DLG2: variants seen among roughly 807,000 people sequenced by gnomAD.
The protein encoded by DLG2 is disks large homolog 2.
In DLG2, 45 loss-of-function variants were observed where a neutral mutation model predicts 132.5. The observed-to-expected ratio is 0.34, with a 90% confidence interval of 0.27 to 0.44. The LOEUF (loss-of-function observed/expected upper bound fraction) is 0.44, where lower values mean the gene tolerates loss of function less well. Among genes scored for constraint, DLG2 ranks in the 20% least tolerant of loss-of-function variants. The pLI is 1.00. For synonymous variants in DLG2, 424 were observed against 419.6 expected (o/e 1.01, Z -0.13); for missense variants, 1,045 against 1,196.9 (o/e 0.87, Z 1.87).
chr11:83,897,055 C>A (rs2071932730), intron 15 of DLG2, among the ~76,000 whole-genome samples: 1 of 152,102 alleles, frequency 6.6e-6, no homozygotes, highest in African/African-American at 2.4e-5. Flanking sequence ...GATAATAACA[C>A]TCATGTTATT....
chr11:84,202,579 C>A (rs1179262415), intron 8 of DLG2, among the ~76,000 whole-genome samples: 1 of 152,174 alleles, frequency 6.6e-6, no homozygotes, highest in Admixed American at 6.5e-5. Context: ...CTAACGAAGA[C>A]ACCAAAAGCA....
At chr11:85,391,624 T>C in intron 3 of DLG2, among the ~76,000 whole-genome samples, 1 of 152,160 alleles carries the variant, frequency 6.6e-6, no homozygotes, top group Non-Finnish European at 1.5e-5. Flanking sequence ...GATGCTGGGA[T>C]GGTTTAACAT....
At chr11:84,875,706 C>T (rs1380710095) in intron 6 of DLG2, among the ~76,000 whole-genome samples, 1 of 152,058 alleles carries the variant, frequency 6.6e-6, no homozygotes, top group Non-Finnish European at 1.5e-5. Flanking sequence ...AGCAACTGGA[C>T]CTCAATAAAA....
At chr11:83,723,373 C>G (rs1008665200) in intron 18 of DLG2, among the ~76,000 whole-genome samples, 1 of 150,644 alleles carries the variant, frequency 6.6e-6, no homozygotes, top group Non-Finnish European at 1.5e-5. Context: ...GAGTGAAACT[C>G]TCTCAAAAAA....
chr11:84,087,746 T>C (rs2154165723), intron 10 of DLG2, among the ~76,000 whole-genome samples: 1 of 152,248 alleles, frequency 6.6e-6, no homozygotes, highest in Non-Finnish European at 1.5e-5. Flanking sequence ...AGCCAAGTGA[T>C]TCAGATGGCC....
chr11:85,416,800 GA>G (rs1237214271), intron 3 of DLG2, among the ~76,000 whole-genome samples: 1 of 152,198 alleles, frequency 6.6e-6, no homozygotes, highest in Non-Finnish European at 1.5e-5. Context: ...TTTGTATCCT[GA>G]AACTTTGCTG....
intron 6 of DLG2, among the ~76,000 whole-genome samples, chr11:85,039,624 T>C (rs1475185984): frequency 6.6e-6 from 1 of 151,860 alleles, no homozygotes; most frequent in Non-Finnish European, 1.5e-5. Flanking sequence ...CAGTACTATA[T>C]TAATGTTAAC....
chr11:84,642,059 C>T (rs993774502), intron 6 of DLG2, among the ~76,000 whole-genome samples: 3 of 130,514 alleles, frequency 2.3e-5, no homozygotes, highest in Admixed American at 7.1e-5. Context: ...TGTATATATA[C>T]GCACGCGTGT....
intron 6 of DLG2, among the ~76,000 whole-genome samples, chr11:84,703,866 A>ATATATATATATATATG (rs2059470071): frequency 1.7e-5 from 2 of 118,330 alleles, no homozygotes; most frequent in African/African-American, 8.9e-5. Flanking sequence ...AGATATATAT[A>ATATATATATATATATG]TATATATATA....
intron 7 of DLG2, among the ~76,000 whole-genome samples, chr11:84,268,914 T>C (rs576801442): frequency 6.6e-6 from 1 of 152,308 alleles, no homozygotes; most frequent in East Asian, 1.9e-4. Flanking sequence ...GAACTGCCAG[T>C]ACCTAGCCCA....
chr11:84,997,782 G>C (rs2057802338), intron 6 of DLG2: 1 of 152,190 alleles, frequency 6.6e-6, no homozygotes, highest in African/African-American at 2.4e-5. Context: ...GGACATTGTA[G>C]AGAGCACCTT....
chr11:83,745,630 C>T (rs112813022), intron 18 of DLG2, among the ~76,000 whole-genome samples: 2,102 of 151,878 alleles, frequency 0.014, 58 homozygotes, highest in African/African-American at 0.049. Context: ...GGTGAAACCC[C>T]GTCTCTACTA....
rs1261306562 is a variant in DLG2, at chr11:83,770,557, AG to A, written c.1825+16132del. Among the ~76,000 whole-genome samples the A allele has an allele frequency of 2.0e-5, 3 of 152,148 alleles. No individual in the cohort carries two copies. The East Asian group carries it at 5.8e-4, about 29-fold the overall frequency. Reference sequence around the variant, plus strand: ...CATACATTTGGATGTATAAATTTAGAGGAAAAGTGCCCAAGAAAACTGCCTG... The same window carrying A: ...CATACATTTGGATGTATAAATTTAGAGAAAAGTGCCCAAGAAAACTGCCTG... On this transcript the variant is annotated intron_variant, in intron 18 of 27. Transcript: ENST00000376104.
At chr11:85,513,736 T>G (rs111997163) in intron 3 of DLG2, among the ~76,000 whole-genome samples, 1,789 of 152,038 alleles carry the variant, frequency 0.012, 33 homozygotes, top group African/African-American at 0.041. Flanking sequence ...GGTCTTGCTG[T>G]CATGCCATTA....
intron 6 of DLG2, among the ~76,000 whole-genome samples, chr11:84,940,002 C>G (rs946005670): frequency 6.6e-6 from 1 of 152,186 alleles, no homozygotes; most frequent in Non-Finnish European, 1.5e-5. Flanking sequence ...ATCCTGCAGA[C>G]TTTTCTCCAT....
intron 21 of DLG2, among the ~76,000 whole-genome samples, chr11:83,508,454 AG>A (rs1329496247): frequency 7.6e-6 from 1 of 132,296 alleles, no homozygotes; most frequent in African/African-American, 3.0e-5. Context: ...CCAGTTAGCC[AG>A]GATGGTCTCG....
chr11:85,432,027 A>G (rs1256133567), intron 3 of DLG2, among the ~76,000 whole-genome samples: 1 of 152,168 alleles, frequency 6.6e-6, no homozygotes, highest in East Asian at 1.9e-4. Flanking sequence ...AGCAAAATAA[A>G]TGAATAGGGC....
chr11:85,487,787 T>C (rs181400767), intron 3 of DLG2, among the ~76,000 whole-genome samples: 151 of 152,320 alleles, frequency 9.9e-4, no homozygotes, highest in Admixed American at 5.7e-3. Flanking sequence ...GCAAGACATT[T>C]AGACATACAG....
intron 6 of DLG2, among the ~76,000 whole-genome samples, chr11:84,606,229 G>T (rs1336596389): frequency 6.6e-6 from 1 of 151,984 alleles, no homozygotes; most frequent in African/African-American, 2.4e-5. Flanking sequence ...TTTAACAGTG[G>T]AAAGTATACA....
Sources: gnomAD v4.1 joint callset for allele counts (sites outside exome capture counted in the v4.1 genomes callset) on GRCh38, gnomAD v4.1.1 for gene constraint, MANE v1.5 for transcripts, NCBI Gene and HGNC (gene_info 2026-07-23, HGNC 2026-07-21) for gene names.